LRRTM4: variants seen among roughly 807,000 people sequenced by gnomAD.
The protein encoded by LRRTM4 is leucine-rich repeat transmembrane neuronal protein 4.
LRRTM4 carries 25 observed loss-of-function variants against 47.6 expected under a neutral mutation model. The observed-to-expected ratio is 0.53, with a 90% CI of 0.38 to 0.73. The LOEUF (loss-of-function observed/expected upper bound fraction) is 0.73. LRRTM4 is among the 30% of genes least tolerant of loss of function. LRRTM4 has a pLI of 0.00. For synonymous variants in LRRTM4, 311 were observed against 269.5 expected (o/e 1.15, Z -1.51); for missense variants, 638 against 713.4 (o/e 0.89, Z 1.20).
chr2:76,913,229 G>A (rs1674132070), intron 3 of LRRTM4, among the ~76,000 whole-genome samples: 1 of 151,916 alleles, frequency 6.6e-6, no homozygotes, highest in African/African-American at 2.4e-5. Flanking sequence ...AGATACAGAT[G>A]TTATATATTA....
chr2:77,051,124 T>C (rs1256491536), intron 3 of LRRTM4, among the ~76,000 whole-genome samples: 1 of 151,934 alleles, frequency 6.6e-6, no homozygotes, highest in Non-Finnish European at 1.5e-5. Context: ...ATATTTTTGA[T>C]AGTTAGGATA....
At position 77,518,461 on chromosome 2, in the gene LRRTM4, C is replaced by A. The variant is rs778362384; in HGVS notation, c.1408G>T (p.Ala470Ser). The A allele has an allele frequency of 5.0e-6, 8 of 1,613,332 alleles. No individual in the cohort carries two copies. Among genetic ancestry groups the A allele is most frequent in the South Asian group, 1.1e-5 (1 of 91,068 alleles). The change falls in exon 3 of 4, where the codon GCC becomes TCC. Residue 470 changes from alanine (A) to serine (S), a missense_variant. Physicochemically the swap from Ala to Ser is moderately conservative, Grantham distance 99. Transcript: ENST00000409884. ...TTCATTTGTCTTTCAGACTCTCTGGCCTTTTTCCGCCGCCTCTTCATAAGA... is the reference window on the plus strand; with the variant it reads ...TTCATTTGTCTTTCAGACTCTCTGGACTTTTTCCGCCGCCTCTTCATAAGA... ...HSLMKRRRKKARESERQMNSP... is the reference protein window; with the variant it reads ...HSLMKRRRKKSRESERQMNSP...
chr2:76,794,754 T>C (rs1167332709), intron 3 of LRRTM4, among the ~76,000 whole-genome samples: 1 of 152,182 alleles, frequency 6.6e-6, no homozygotes. Flanking sequence ...CTTGTACTTT[T>C]GTGGGATGTG....
intron 3 of LRRTM4, among the ~76,000 whole-genome samples, chr2:77,269,523 C>T (rs536428374): frequency 6.6e-6 from 1 of 152,132 alleles, no homozygotes; most frequent in African/African-American, 2.4e-5. Flanking sequence ...ATAAAACTTA[C>T]TGAATTAAAC....
At position 77,519,924 on chromosome 2, in the gene LRRTM4, G is replaced by A. The variant is rs192318459; in HGVS notation, c.5-60C>T. On this transcript the variant is annotated intron_variant, in intron 2 of 3. Transcript: ENST00000409884. This position sits in a 1 kb window ranked among gnomAD's most constrained non-coding sequence, Gnocchi z 4.6. Reference sequence around the variant, plus strand: ...GAAGCTATTAAAATAAATCACCGTCGGTTTACCAACAACAGGGGCATTTCC... The same window carrying A: ...GAAGCTATTAAAATAAATCACCGTCAGTTTACCAACAACAGGGGCATTTCC... The A allele has an allele frequency of 2.0e-5, 30 of 1,476,670 alleles. No homozygotes were observed. The highest frequency in any genetic ancestry group is 2.0e-4 in the Admixed American group (8 of 40,928). The allele number at this position is 1,476,670 out of a possible 1,614,324, so 91.5% of individuals were successfully genotyped here. A position where few individuals can be genotyped will look rare whatever the true frequency, so the allele number is the denominator to read the frequency against.
chr2:77,166,173 C>G (rs941386714), intron 3 of LRRTM4, among the ~76,000 whole-genome samples: 1 of 152,122 alleles, frequency 6.6e-6, no homozygotes, highest in Non-Finnish European at 1.5e-5. Flanking sequence ...GACAGACAAA[C>G]AGAGAGCCAA....
chr2:76,904,154 C>G (rs527445366), intron 3 of LRRTM4, among the ~76,000 whole-genome samples: 20 of 152,290 alleles, frequency 1.3e-4, no homozygotes, highest in African/African-American at 4.8e-4. Context: ...AATTGAGACT[C>G]AGACATAATT....
chr2:77,002,878 G>T (rs75140668), intron 3 of LRRTM4, among the ~76,000 whole-genome samples: 4,358 of 152,078 alleles, frequency 0.029, 95 homozygotes, highest in Non-Finnish European at 0.042. Context: ...TTGAGCTTAC[G>T]TTTTGGAGTA....
chr2:76,931,423 C>T (rs1674765045), intron 3 of LRRTM4, among the ~76,000 whole-genome samples: 3 of 152,138 alleles, frequency 2.0e-5, no homozygotes, highest in Admixed American at 2.0e-4. Context: ...CCTGCTTTGA[C>T]CTTGGGTTGT....
rs1436284018 is a variant in LRRTM4 at position 76,870,913 on chromosome 2, A to G, written c.1552-121997T>C. Among the ~76,000 whole-genome samples the G allele has an allele frequency of 3.3e-5, 5 of 152,296 alleles. No individual in the cohort carries two copies. The East Asian group carries it at 9.7e-4, about 29-fold the overall frequency. The stretch of plus-strand genomic sequence containing the variant: ...AATTCTTCAACTCAGCCAATCCCCA[A>G]TAATCCACACTTTAATCACCCTATC... On this transcript the variant is annotated intron_variant, in intron 3 of 3. Coordinates refer to ENST00000409884, the MANE Select transcript of LRRTM4 (RefSeq NM_001134745.3).
intron 3 of LRRTM4, among the ~76,000 whole-genome samples, chr2:77,151,526 C>T (rs1051417957): frequency 2.0e-5 from 3 of 152,058 alleles, no homozygotes; most frequent in Non-Finnish European, 4.4e-5. Flanking sequence ...GTGGAACAAC[C>T]CAAGTGTTCA....
chr2:76,806,776 A>G (rs757746139), intron 3 of LRRTM4, among the ~76,000 whole-genome samples: 23 of 152,258 alleles, frequency 1.5e-4, no homozygotes, highest in South Asian at 4.1e-4. Context: ...CAGTTTATCA[A>G]TCTACCAGCT....
chr2:76,991,874 C>A (rs1410424215), intron 3 of LRRTM4, among the ~76,000 whole-genome samples: 1 of 151,618 alleles, frequency 6.6e-6, no homozygotes, highest in Non-Finnish European at 1.5e-5. Flanking sequence ...AACATAGATG[C>A]AAAAATCATC....
chr2:77,226,893 C>T (rs13001521), intron 3 of LRRTM4, among the ~76,000 whole-genome samples: 69,108 of 151,686 alleles, frequency 0.46, 17,426 homozygotes, highest in Non-Finnish European at 0.56. Context: ...ATACAGTGTA[C>T]CTCTAAGATC....
At chr2:76,985,457 T>C (rs1329264738) in intron 3 of LRRTM4, among the ~76,000 whole-genome samples, 2 of 151,922 alleles carry the variant, frequency 1.3e-5, no homozygotes, top group Non-Finnish European at 2.9e-5. Flanking sequence ...TAAGAAGCAA[T>C]AGGATGTCCC....
At chr2:77,233,892 T>C (rs750863033) in intron 3 of LRRTM4, among the ~76,000 whole-genome samples, 12 of 152,156 alleles carry the variant, frequency 7.9e-5, no homozygotes, top group Middle Eastern at 3.4e-3. Flanking sequence ...CCTGCCTCCA[T>C]GTTCAAGCGA....
At chr2:77,022,351 A>C (rs1329520318) in intron 3 of LRRTM4, among the ~76,000 whole-genome samples, 2 of 152,158 alleles carry the variant, frequency 1.3e-5, no homozygotes, top group African/African-American at 2.4e-5. Flanking sequence ...GAGCCAAACC[A>C]TATCATTCTT....
At chr2:77,071,615 T>C (rs1453130906) in intron 3 of LRRTM4, among the ~76,000 whole-genome samples, 2 of 152,146 alleles carry the variant, frequency 1.3e-5, no homozygotes, top group African/African-American at 2.4e-5. Flanking sequence ...TCCTGTAACA[T>C]TATCTAAGTC....
Position 76,748,651 on chromosome 2 carries a change from C to G in LRRTM4, c.*44G>C, listed in dbSNP as rs939206073. On this transcript the variant is annotated 3_prime_UTR_variant, in exon 4 of 4. Coordinates refer to ENST00000409884, the MANE Select transcript of LRRTM4 (RefSeq NM_001134745.3). ...CATTCTCCTTTAAGATGAAGGCCCT[C>G]CCTCCCCCCCATGGAGCTCCCCAGT... 3.4e-6 allele frequency: 4 copies of G among 1,189,764 alleles called. No homozygotes were observed. Among genetic ancestry groups the G allele is most frequent in the African/African-American group, 1.5e-5 (1 of 66,750 alleles). 73.7% of individuals were successfully genotyped at this position (1,189,764 alleles called of 1,614,324 possible).
Sources: gnomAD v4.1 joint callset for allele counts (sites outside exome capture counted in the v4.1 genomes callset) on GRCh38, gnomAD v4.1.1 for gene constraint, Gnocchi (gnomAD v3.1) non-coding constraint, MANE v1.5 for transcripts, NCBI Gene and HGNC (gene_info 2026-07-23, HGNC 2026-07-21) for gene names.